The following STK32C variants were observed in gnomAD, a reference collection of about 807,000 sequenced individuals.
The protein encoded by STK32C is serine/threonine-protein kinase 32C.
STK32C carries 31 observed loss-of-function variants against 56.5 expected under a neutral mutation model. That is an observed-to-expected ratio of 0.55 (90% confidence interval 0.41 to 0.74). The LOEUF is 0.74. Among genes scored for constraint, STK32C ranks in the 30% least tolerant of loss-of-function variants. The pLI, the probability that STK32C is intolerant of heterozygous loss-of-function variation, is 0.00. For missense variants in STK32C, 544 were observed against 676.9 expected, an observed-to-expected ratio of 0.80 and a Z score of 2.18; for synonymous variants, 309 against 289.4, an observed-to-expected ratio of 1.07 and a Z score of -0.69.
chr10:132,222,733 C>T lies in STK32C; in HGVS notation c.1159G>A (p.Glu387Lys). The T allele has an allele frequency of 6.2e-7, 1 of 1,609,888 alleles. No homozygotes were observed. Among genetic ancestry groups the T allele is most frequent in the Non-Finnish European group, 8.5e-7 (1 of 1,178,374 alleles). Residue 387 changes from glutamate to lysine, a missense_variant, in exon 10 of 12, where the codon GAG becomes AAG. Around this residue, in one of 3 missense-constraint regions of STK32C, gnomAD observed 277 missense variants for 309.3 expected, o/e 0.90. Coordinates refer to ENST00000298630, the MANE Select transcript of STK32C (RefSeq NM_173575.4). ...LHCDPTFELE[E>K]MILESRPLHK... is the part of the protein sequence containing the mutation. ...AGGGGCCTGGACTCCAGGATCATCT[C>T]CTCCAGCTCAAAGGTGGGGTCGCAG...
At chr10:132,218,959 A>G (rs1182418455) in intron 10 of STK32C, among the ~76,000 whole-genome samples, 1 of 152,234 alleles carries the variant, frequency 6.6e-6, no homozygotes, top group African/African-American at 2.4e-5. Context: ...AAGACCACAT[A>G]GTGTGTAACT....
chr10:132,224,658 C>T, intron 7 of STK32C, 135 bp from the exon 8 acceptor site: 1 of 686,784 alleles, frequency 1.5e-6, no homozygotes, highest in South Asian at 1.7e-5. Context: ...CTGAGCACAG[C>T]CTGGCCTCCA....
At chr10:132,228,314 A>C in intron 2 of STK32C, 186 bp from the exon 3 acceptor site, 1 of 677,718 alleles carries the variant, frequency 1.5e-6, no homozygotes, top group Non-Finnish European at 2.6e-6. Flanking sequence ...ATATGGTAAC[A>C]TATTTGCTCT....
downstream of STK32C, among the ~76,000 whole-genome samples, chr10:132,319,791 C>T (rs2066369509): frequency 6.6e-6 from 1 of 151,928 alleles, no homozygotes. Context: ...TGTGTCTTCA[C>T]AATGGCTTGT....
intron 1 of STK32C, among the ~76,000 whole-genome samples, chr10:132,278,318 T>C (rs759210291): frequency 3.3e-5 from 5 of 151,248 alleles, no homozygotes; most frequent in Admixed American, 6.6e-5. Context: ...ACCAGTGAAT[T>C]TCTCTGTAAT....
intron 1 of STK32C, chr10:132,249,224 GGAGTGGGGCTGA>G (rs2063809223): frequency 5.5e-6 from 2 of 362,996 alleles, no homozygotes; most frequent in African/African-American, 2.1e-5. Flanking sequence ...GGGAGTGCTG[GGAGTGGGGCTGA>G]GGGTGGGGCT....
intron 1 of STK32C, among the ~76,000 whole-genome samples, chr10:132,296,180 T>C (rs1447264548): frequency 6.6e-6 from 1 of 150,808 alleles, no homozygotes; most frequent in African/African-American, 2.4e-5. Flanking sequence ...TGAATCCCAG[T>C]TAAAGGACAT....
At chr10:132,270,381 C>T (rs767705921) in intron 1 of STK32C, among the ~76,000 whole-genome samples, 14 of 152,370 alleles carry the variant, frequency 9.2e-5, no homozygotes, top group Admixed American at 2.0e-4. Flanking sequence ...CACGGGCCCA[C>T]GCCGCTGGCC....
Position 132,224,486 on chromosome 10 carries a change from G to A in STK32C, c.914C>T (p.Ser305Phe), listed in dbSNP as rs1299391061. ...CACGGTGCTGAACAGCTGCACCAGG[G>A]ACTCCACGGCGTTGCTGGAGTGGAT... is the stretch of plus-strand genomic sequence containing the variant. ...YDIHSSNAVE[S>F]LVQLFSTVSV... The change falls in exon 8 of 12, where the codon TCC (serine) becomes TTC (phenylalanine). Residue 305 changes from serine (S) to phenylalanine (F), a missense_variant. By Grantham distance (155) the Ser-to-Phe change is radical. Around this residue, in one of 3 missense-constraint regions of STK32C, gnomAD observed 277 missense variants for 309.3 expected, o/e 0.90. Coordinates refer to ENST00000298630, the MANE Select transcript of STK32C (RefSeq NM_173575.4). 2.5e-6 allele frequency: 4 copies of A among 1,587,154 alleles called. No homozygotes were observed. Among genetic ancestry groups the A allele is most frequent in the Non-Finnish European group, 3.4e-6 (4 of 1,167,156 alleles).
chr10:132,224,272 G>A (rs2062793765), intron 8 of STK32C, 135 bp downstream of exon 8: 3 of 686,374 alleles, frequency 4.4e-6, no homozygotes, highest in Non-Finnish European at 7.7e-6. Context: ...GGCCCCCACA[G>A]GTTGCAGTGA....
chr10:132,218,403 C>T (rs1193455771), intron 10 of STK32C, among the ~76,000 whole-genome samples: 2 of 152,048 alleles, frequency 1.3e-5, no homozygotes, highest in African/African-American at 4.8e-5. Context: ...AATTTTAAAA[C>T]ATTTGGATAG....
Position 132,307,455 on chromosome 10 carries a change from G to A in STK32C, c.262+117C>T. 1 of 1,189,970 alleles carries A rather than the reference G, an allele frequency of 8.4e-7. No homozygotes were observed. The highest frequency in any genetic ancestry group is 1.1e-6 in the Non-Finnish European group (1 of 912,878). 73.7% of individuals were successfully genotyped at this position (1,189,970 alleles called of 1,614,324 possible). On this transcript the variant is annotated intron_variant, in intron 1 of 11. Coordinates refer to ENST00000298630, the MANE Select transcript of STK32C (RefSeq NM_173575.4). The surrounding 1 kb of genome is among the most constrained non-coding windows in gnomAD (Gnocchi z 4.4). ...CGGCGCGAGCTTCTCCGGAAGCCGGGGCGCCCCGGGAAGCCGTCCCGGACA... is the reference window on the plus strand; with the variant it reads ...CGGCGCGAGCTTCTCCGGAAGCCGGAGCGCCCCGGGAAGCCGTCCCGGACA...
At chr10:132,237,007 T>C (rs7915197) in intron 2 of STK32C, among the ~76,000 whole-genome samples, 94,887 of 151,790 alleles carry the variant, frequency 0.63, 31,586 homozygotes, top group Non-Finnish European at 0.73. Context: ...GGAAACCCTG[T>C]CTGCCCCAGT....
At chr10:132,212,427 G>A (rs908839723) in intron 10 of STK32C, among the ~76,000 whole-genome samples, 2 of 152,168 alleles carry the variant, frequency 1.3e-5, no homozygotes, top group African/African-American at 2.4e-5. Flanking sequence ...AACCCAAAAT[G>A]AATCACACAG....
chr10:132,290,155 C>G (rs138071074), intron 1 of STK32C, among the ~76,000 whole-genome samples: 2 of 152,152 alleles, frequency 1.3e-5, no homozygotes, highest in East Asian at 3.9e-4. Flanking sequence ...AGAAGAACCC[C>G]GGGACCCAGC....
At chr10:132,322,906 T>C (rs183440483), downstream of STK32C, among the ~76,000 whole-genome samples, 404 of 152,302 alleles carry the variant, frequency 2.7e-3, 1 homozygote, top group Non-Finnish European at 4.9e-3. Flanking sequence ...GTCCCTCTCC[T>C]GAACACATTT....
upstream of STK32C, among the ~76,000 whole-genome samples, chr10:132,308,170 T>C (rs1301848124): frequency 1.3e-5 from 2 of 149,740 alleles, no homozygotes; most frequent in African/African-American, 2.5e-5. Context: ...AGGGAGTGGG[T>C]GGCCGCCACC....
At chr10:132,266,906 T>G (rs2064554287) in intron 1 of STK32C, among the ~76,000 whole-genome samples, 3 of 150,552 alleles carry the variant, frequency 2.0e-5, no homozygotes, top group South Asian at 2.1e-4. Flanking sequence ...AGGCATGGAG[T>G]GACAATGGAC....
intron 7 of STK32C, 120 bp from the exon 8 acceptor site, chr10:132,224,643 C>T: frequency 1.4e-6 from 1 of 726,188 alleles, no homozygotes; most frequent in Non-Finnish European, 2.4e-6. Context: ...AGTGCAGGCA[C>T]AGCTCTGAGC....
Sources: allele counts gnomAD v4.1 joint callset (sites outside exome capture counted in the v4.1 genomes callset), GRCh38; gene constraint gnomAD v4.1.1; regional missense constraint gnomAD v4.1.1; non-coding constraint Gnocchi (gnomAD v3.1); transcripts MANE v1.5; gene names NCBI Gene and HGNC (gene_info 2026-07-23, HGNC 2026-07-21).